The following RANBP2 variants were observed in gnomAD, a reference collection of about 807,000 sequenced individuals.
RANBP2 encodes the protein RAN binding protein 2, also known as E3 SUMO-protein ligase RanBP2.
A neutral mutation model predicts 303.6 loss-of-function variants in RANBP2; 57 were observed. The ratio of observed to expected loss-of-function variants is 0.19; its 90% CI spans 0.15 to 0.23. The LOEUF is 0.23. Ranked by LOEUF, RANBP2 falls within the 10% of genes least tolerant of loss-of-function variation. The pLI is 1.00. For missense variants in RANBP2, 3,138 were observed against 3,780.8 expected, an observed-to-expected ratio of 0.83 and a Z score of 4.46; for synonymous variants, 1,167 against 1,301.5, an observed-to-expected ratio of 0.90 and a Z score of 2.23.
chr2:109,417,958 T>G, the RANBP2 span, among the ~76,000 whole-genome samples: 1 of 152,118 alleles, frequency 6.6e-6, no homozygotes, highest in African/African-American at 2.4e-5. Flanking sequence ...GAGGCCAGTC[T>G]GGGGGCAGGG....
the RANBP2 span, among the ~76,000 whole-genome samples, chr2:109,081,237 T>G: frequency 1.3e-5 from 2 of 152,238 alleles, no homozygotes; most frequent in East Asian, 1.9e-4. Flanking sequence ...CTAGAAAATT[T>G]TACATTACCT....
the RANBP2 span, among the ~76,000 whole-genome samples, chr2:109,357,673 T>G: frequency 1.3e-5 from 2 of 152,348 alleles, no homozygotes; most frequent in East Asian, 3.9e-4. Context: ...GTTTTATATT[T>G]GTGAGCTATA....
chr2:108,765,776 C>T lies in RANBP2; in HGVS notation c.5237C>T (p.Ala1746Val). Residue 1746 changes from alanine to valine, a missense_variant, in exon 20 of 29, where the codon GCT (alanine) becomes GTT (valine). By Grantham distance (64) the Ala-to-Val change is moderately conservative. This residue lies in a region of RANBP2 where 348 missense variants were observed against 360.4 expected (regional missense o/e 0.97). Coordinates refer to ENST00000283195, the MANE Select transcript of RANBP2 (RefSeq NM_006267.5). ...RNEASATKCI[A>V]CQCPSKQNQT... Reference sequence around the variant, plus strand: ...GAAGCCAGTGCTACCAAATGTATTGCTTGTCAGTGTCCAAGTAAACAAAAT... The same window carrying T: ...GAAGCCAGTGCTACCAAATGTATTGTTTGTCAGTGTCCAAGTAAACAAAAT... 1 of 1,614,070 alleles carries T rather than the reference C, an allele frequency of 6.2e-7. No individual in the cohort carries two copies. The highest frequency in any genetic ancestry group is 8.5e-7 in the Non-Finnish European group (1 of 1,180,006).
the RANBP2 span, among the ~76,000 whole-genome samples, chr2:108,936,998 G>A: frequency 6.6e-6 from 1 of 152,214 alleles, no homozygotes; most frequent in African/African-American, 2.4e-5. Context: ...TCTCTGGCCA[G>A]GCAGGGGAGG....
intron 24 of RANBP2, among the ~76,000 whole-genome samples, chr2:108,776,288 T>A (rs899627816): frequency 6.6e-6 from 1 of 152,182 alleles, no homozygotes; most frequent in African/African-American, 2.4e-5. Flanking sequence ...ATATTCAAAG[T>A]GTTTTAATTA....
intron 1 of RANBP2, among the ~76,000 whole-genome samples, chr2:108,721,063 CA>C (rs765057254): frequency 1.3e-5 from 2 of 151,464 alleles, no homozygotes; most frequent in Admixed American, 6.6e-5. Flanking sequence ...AAAACAAAAA[CA>C]AAAAAAACCC....
At chr2:109,297,416 A>G in the RANBP2 span, among the ~76,000 whole-genome samples, 1 of 152,074 alleles carries the variant, frequency 6.6e-6, no homozygotes, top group Non-Finnish European at 1.5e-5. Flanking sequence ...AGCCGCCTGC[A>G]AGAGGCCTGT....
At chr2:108,816,053 C>T in the RANBP2 span, 630 of 1,613,162 alleles carry the variant, frequency 3.9e-4, no homozygotes, top group South Asian at 1.8e-3. Context: ...GGTAAAAAAC[C>T]ACAACTCAAA....
the RANBP2 span, among the ~76,000 whole-genome samples, chr2:109,312,029 G>A: frequency 1.8e-4 from 24 of 132,530 alleles, no homozygotes; most frequent in Non-Finnish European, 3.1e-4. Context: ...TGACTTGAGC[G>A]TTGTGGCCGG....
chr2:109,458,998 A>G, the RANBP2 span, among the ~76,000 whole-genome samples: 14 of 152,184 alleles, frequency 9.2e-5, no homozygotes, highest in African/African-American at 3.4e-4. Context: ...GTTTCCACAT[A>G]AAGACAAAAG....
At chr2:109,370,015 A>G in the RANBP2 span, among the ~76,000 whole-genome samples, 1 of 152,128 alleles carries the variant, frequency 6.6e-6, no homozygotes, top group African/African-American at 2.4e-5. Flanking sequence ...CAAGTCACAC[A>G]TGGGCCAGCT....
At chr2:109,112,969 C>T in the RANBP2 span, among the ~76,000 whole-genome samples, 1 of 152,152 alleles carries the variant, frequency 6.6e-6, no homozygotes. Flanking sequence ...TTTCTGAGGG[C>T]TCTGTTCTGT....
At chr2:109,205,002 G>T in the RANBP2 span, among the ~76,000 whole-genome samples, 61 of 152,256 alleles carry the variant, frequency 4.0e-4, no homozygotes, top group South Asian at 8.3e-4. Flanking sequence ...GAAGCCAGGA[G>T]GTTGAGACCG....
chr2:109,543,970 G>T, the RANBP2 span: 1 of 594,044 alleles, frequency 1.7e-6, no homozygotes. Context: ...TTTTGTGCAA[G>T]AAACAAAATC....
At chr2:109,101,457 G>A in the RANBP2 span, among the ~76,000 whole-genome samples, 2 of 152,026 alleles carry the variant, frequency 1.3e-5, no homozygotes, top group Non-Finnish European at 2.9e-5. Flanking sequence ...AACTCGGGAG[G>A]TGGAGCTTGT....
the RANBP2 span, among the ~76,000 whole-genome samples, chr2:109,378,889 T>C: frequency 2.7e-3 from 417 of 152,340 alleles, 1 homozygote; most frequent in Non-Finnish European, 3.6e-3. Flanking sequence ...ATGAATGCCC[T>C]GATCAGCTCT....
chr2:109,761,474 C>T, the RANBP2 span, among the ~76,000 whole-genome samples: 1 of 148,974 alleles, frequency 6.7e-6, no homozygotes, highest in African/African-American at 2.5e-5. Context: ...CTTTGTGCCA[C>T]GCTCACAGCT....
chr2:108,969,820 G>A, the RANBP2 span, among the ~76,000 whole-genome samples: 2 of 152,180 alleles, frequency 1.3e-5, no homozygotes, highest in East Asian at 3.8e-4. Flanking sequence ...TAATAACAAC[G>A]CAAGGCAGTG....
At chr2:109,046,237 AAGGTTGCAGTG>A in the RANBP2 span, among the ~76,000 whole-genome samples, 1 of 149,894 alleles carries the variant, frequency 6.7e-6, no homozygotes, top group Admixed American at 6.6e-5. Flanking sequence ...CCGGGAGGCG[AAGGTTGCAGTG>A]ACCCAAGATT....
Sources: gnomAD v4.1 joint callset for allele counts (sites outside exome capture counted in the v4.1 genomes callset) on GRCh38, gnomAD v4.1.1 for gene constraint, gnomAD v4.1.1 regional missense constraint, MANE v1.5 for transcripts, NCBI Gene and HGNC (gene_info 2026-07-23, HGNC 2026-07-21) for gene names.